The following LTF variants were observed in gnomAD, a reference collection of about 807,000 sequenced individuals.
The protein encoded by LTF is epididymis luminal protein 110.
In LTF, 91 loss-of-function variants were observed where a neutral mutation model predicts 87.2. That is an observed-to-expected ratio of 1.04 (90% CI 0.88 to 1.24). LTF has a LOEUF of 1.24. Among genes scored for constraint, LTF ranks in the 50% most tolerant of loss-of-function variants. LTF has a pLI of 0.00. For synonymous variants in LTF, 378 were observed against 356.1 expected, an observed-to-expected ratio of 1.06 and a Z score of -0.69; for missense variants, 901 against 904.3, an observed-to-expected ratio of 1.00 and a Z score of 0.05.
chr3:46,447,159 G>A (rs368789308), intron 10 of LTF, 149 bp downstream of exon 10: 27 of 638,382 alleles, frequency 4.2e-5, no homozygotes, highest in Non-Finnish European at 6.1e-5. Context: ...TGGGTAACAC[G>A]GCCCCTTTCA....
intron 1 of LTF, among the ~76,000 whole-genome samples, chr3:46,483,429 C>T (rs766008096): frequency 3.3e-5 from 5 of 152,222 alleles, no homozygotes; most frequent in Non-Finnish European, 7.3e-5. Flanking sequence ...ATACTATCAA[C>T]TAAGCAGTGA....
chr3:46,456,137 G>A (rs188286330), intron 3 of LTF, among the ~76,000 whole-genome samples, 153 bp downstream of exon 3: 37 of 152,238 alleles, frequency 2.4e-4, no homozygotes, highest in African/African-American at 5.8e-4. Context: ...CAGGAGGAAC[G>A]GCCTTCATCT....
At chr3:46,454,799 G>C (rs1702886178) in intron 5 of LTF, among the ~76,000 whole-genome samples, 1 of 152,124 alleles carries the variant, frequency 6.6e-6, no homozygotes, top group African/African-American at 2.4e-5. Context: ...CCTCCGCGTG[G>C]GGGCAGAGAG....
chr3:46,459,841 G>T, intron 1 of LTF, 22 bp from the exon 2 acceptor site: 1 of 1,503,732 alleles, frequency 6.7e-7, no homozygotes, highest in Non-Finnish European at 8.8e-7. Flanking sequence ...GGGCCAAGGA[G>T]TAAGGATTCA....
chr3:46,457,807 G>T (rs948120978), intron 2 of LTF, among the ~76,000 whole-genome samples: 8 of 150,594 alleles, frequency 5.3e-5, no homozygotes. Context: ...TTATTTTTTC[G>T]AGCGGAGTCA....
At chr3:46,481,350 C>T (rs1387267329) in intron 1 of LTF, among the ~76,000 whole-genome samples, 1 of 152,194 alleles carries the variant, frequency 6.6e-6, no homozygotes, top group African/African-American at 2.4e-5. Context: ...TACAAATGAA[C>T]TTTGCTTTAA....
chr3:46,450,372 A>T (rs1272828646), intron 7 of LTF, 123 bp downstream of exon 7: 5 of 1,031,736 alleles, frequency 4.8e-6, no homozygotes, highest in Non-Finnish European at 7.3e-6. Context: ...AGCCCAATGC[A>T]TTAGTGTGCT....
chr3:46,435,877 T>A lies in LTF; in HGVS notation c.*318A>T, dbSNP rs746942192. On this transcript the variant is annotated 3_prime_UTR_variant, in exon 17 of 17. Transcript: ENST00000231751. ...TTAAATTCCAGACCCTTGGGCATCA[T>A]ACCCAAGACTGCAAGAAAGAGGAGG... The A allele has an allele frequency of 7.8e-6, 3 of 386,410 alleles. No homozygotes were observed. In the South Asian group the frequency reaches 8.2e-5, roughly 11 times the overall value. 23.9% of individuals were successfully genotyped at this position (386,410 alleles called of 1,614,324 possible).
At chr3:46,472,219 G>T (rs1387459572) in intron 1 of LTF, among the ~76,000 whole-genome samples, 1 of 151,966 alleles carries the variant, frequency 6.6e-6, no homozygotes, top group East Asian at 1.9e-4. Context: ...ATGAGCTGTG[G>T]TATTTATAGT....
intron 7 of LTF, 60 bp from the exon 8 acceptor site, chr3:46,450,088 G>A: frequency 1.5e-6 from 2 of 1,365,992 alleles, no homozygotes; most frequent in Non-Finnish European, 2.0e-6. Flanking sequence ...ACAAAAAAAT[G>A]ATGTTAAAAA....
At chr3:46,443,346 G>A in intron 13 of LTF, 95 bp downstream of exon 13, 1 of 1,463,538 alleles carries the variant, frequency 6.8e-7, no homozygotes, top group Non-Finnish European at 9.5e-7. Flanking sequence ...CCACTCTGCT[G>A]TGACAGGTCA....
At chr3:46,437,726 C>T (rs1702417887) in intron 16 of LTF, among the ~76,000 whole-genome samples, 5 of 152,074 alleles carry the variant, frequency 3.3e-5, no homozygotes, top group South Asian at 2.1e-4. Flanking sequence ...CATCACTATC[C>T]GTACTATAAA....
chr3:46,445,120 G>C lies in LTF; in HGVS notation c.1513+161C>G, dbSNP rs139303584. ...GCAGGGAAACCCCCAGTGCACCCACGCCTCCAGGGGGCAGCCACAGGGAGA... is the reference window on the plus strand; with the variant it reads ...GCAGGGAAACCCCCAGTGCACCCACCCCTCCAGGGGGCAGCCACAGGGAGA... On this transcript the variant is annotated intron_variant, in intron 12 of 16. Transcript: ENST00000231751. 0.16 allele frequency among the ~76,000 whole-genome samples: 23,690 copies of C among 152,098 alleles called. 2,079 individuals are homozygous for C. The highest frequency in any genetic ancestry group is 0.22 in the African/African-American group (9,242 of 41,460).
At chr3:46,455,166 CAGT>C in intron 5 of LTF, 126 bp downstream of exon 5, 2 of 1,097,184 alleles carry the variant, frequency 1.8e-6, no homozygotes, top group Non-Finnish European at 2.7e-6. Context: ...GGACACACAG[CAGT>C]AGGAGAACAG....
intron 1 of LTF, among the ~76,000 whole-genome samples, chr3:46,483,453 T>C (rs1197500512): frequency 6.6e-6 from 1 of 152,230 alleles, no homozygotes; most frequent in African/African-American, 2.4e-5. Flanking sequence ...TGAGCTAACT[T>C]CTGCTGCCCA....
chr3:46,436,105 G>T lies in LTF; in HGVS notation c.*90C>A, dbSNP rs376823399. On this transcript the variant is annotated 3_prime_UTR_variant, in exon 17 of 17. Coordinates refer to ENST00000231751, the MANE Select transcript of LTF (RefSeq NM_002343.6). ...TGGGCAATCCCCACCTTCAGCAGGG[G>T]AGGCCAAGGCCCCAACACACCTGGG... The T allele has an allele frequency of 2.4e-6, 3 of 1,256,896 alleles. No homozygotes were observed. The Admixed American group carries it at 5.2e-5, about 22-fold the overall frequency. The allele number at this position is 1,256,896 out of a possible 1,614,324, so 77.9% of individuals were successfully genotyped here.
intron 13 of LTF, chr3:46,441,934 A>AGAGTGTGTGT (rs1456655226): frequency 1.9e-4 from 11 of 59,054 alleles, no homozygotes; most frequent in South Asian, 6.6e-4. Flanking sequence ...AGAGAGAGAG[A>AGAGTGTGTGT]GTGTGTGTGT....
Position 46,445,871 on chromosome 3 carries a change from T to G in LTF, c.1358-435A>C, listed in dbSNP as rs545090219. Among the ~76,000 whole-genome samples, 174 of 152,352 alleles carry G rather than the reference T, an allele frequency of 1.1e-3. 1 individual carries two copies. Among genetic ancestry groups the G allele is most frequent in the African/African-American group, 4.0e-3 (166 of 41,588 alleles). On this transcript the variant is annotated intron_variant, in intron 11 of 16. Transcript: ENST00000231751. The stretch of plus-strand genomic sequence containing the variant: ...ACGGCTGTGTGGGTACAGGGGCACA[T>G]GTCCCCAGGGACTGCCCTGAGCTGA...
intron 13 of LTF, 49 bp from the exon 14 acceptor site, chr3:46,441,532 G>C: frequency 7.5e-7 from 1 of 1,342,176 alleles, no homozygotes; most frequent in Non-Finnish European, 1.1e-6. Flanking sequence ...AGAAACTAGT[G>C]GGGCTTTCAT....
Sources: gnomAD v4.1 joint callset for allele counts (sites outside exome capture counted in the v4.1 genomes callset) on GRCh38, gnomAD v4.1.1 for gene constraint, MANE v1.5 for transcripts, NCBI Gene and HGNC (gene_info 2026-07-23, HGNC 2026-07-21) for gene names.